Variants in DAB1 observed in about 807,000 individuals in gnomAD.
The protein encoded by DAB1 is DAB adaptor protein 1, also known as disabled homolog 1.
Under a neutral mutation model 64.6 loss-of-function variants are expected in DAB1, and 15 were observed. The ratio of observed to expected loss-of-function variants is 0.23; its 90% CI spans 0.16 to 0.36. DAB1 has a LOEUF of 0.36. DAB1 is among the 10% of genes least tolerant of loss of function. The pLI is 1.00. For synonymous variants in DAB1, 235 were observed against 251.9 expected (o/e 0.93, Z 0.64); for missense variants, 596 against 706.7 (o/e 0.84, Z 1.78).
intron 6 of DAB1, among the ~76,000 whole-genome samples, chr1:57,661,216 T>C (rs1246520576): frequency 1.3e-5 from 2 of 152,130 alleles, no homozygotes; most frequent in Non-Finnish European, 2.9e-5. Flanking sequence ...AAAGGCTCAG[T>C]TAAGGCAGGG....
chr1:57,495,178 T>C (rs1185687709), intron 7 of DAB1, among the ~76,000 whole-genome samples: 2 of 152,128 alleles, frequency 1.3e-5, no homozygotes, highest in East Asian at 1.9e-4. Flanking sequence ...AATATGAGAT[T>C]TGCCTAGATT....
chr1:58,234,816 G>C (rs950571375), intron 4 of DAB1, among the ~76,000 whole-genome samples: 3 of 152,184 alleles, frequency 2.0e-5, no homozygotes, highest in Admixed American at 6.5e-5. Flanking sequence ...TTGAGCCGGA[G>C]GAAGTGACAC....
At chr1:58,406,719 CCA>C (rs1491153228) in intron 3 of DAB1, among the ~76,000 whole-genome samples, 3,159 of 28,120 alleles carry the variant, frequency 0.11, 118 homozygotes, top group African/African-American at 0.35. Context: ...TCCCCCCCCC[CCA>C]ACTGCCACCA....
intron 4 of DAB1, among the ~76,000 whole-genome samples, chr1:58,161,184 T>G (rs554176582): frequency 6.6e-6 from 1 of 152,326 alleles, no homozygotes; most frequent in Non-Finnish European, 1.5e-5. Context: ...TTTAATAACA[T>G]TTACTGAATG....
chr1:57,204,451 TAAAA>T (rs10548857), intron 2 of DAB1, among the ~76,000 whole-genome samples: 6 of 127,580 alleles, frequency 4.7e-5, no homozygotes, highest in African/African-American at 5.9e-5. Flanking sequence ...GGTCTAGATT[TAAAA>T]AAAAAAAAAA....
chr1:58,090,568 T>C lies in DAB1; in HGVS notation n.387+59943A>G, dbSNP rs533200485. Among the ~76,000 whole-genome samples, 4 of 152,332 alleles carry C rather than the reference T, an allele frequency of 2.6e-5. No homozygotes were observed. In the East Asian group the frequency reaches 7.7e-4, roughly 29 times the overall value. ...AACTTTTCCCTATCTCCCTTTCTCTTGCCCTTAATCACAACTCTGTGACTT... is the reference window on the plus strand; with the variant it reads ...AACTTTTCCCTATCTCCCTTTCTCTCGCCCTTAATCACAACTCTGTGACTT... On this transcript the variant is annotated intron_variant and non_coding_transcript_variant, in intron 5 of 20. Transcript: ENST00000485760.
At chr1:57,496,103 T>C (rs533453450) in intron 7 of DAB1, among the ~76,000 whole-genome samples, 18 of 152,346 alleles carry the variant, frequency 1.2e-4, no homozygotes, top group Non-Finnish European at 2.4e-4. Context: ...AATGTCATTA[T>C]GATGTAGATG....
chr1:57,588,020 A>G (rs1158664291), intron 7 of DAB1, among the ~76,000 whole-genome samples: 1 of 152,164 alleles, frequency 6.6e-6, no homozygotes. Flanking sequence ...CCTCTCTCAA[A>G]TTCTAAAGTC....
chr1:57,474,743 CCTT>C (rs1321554773), intron 7 of DAB1, among the ~76,000 whole-genome samples: 1 of 152,104 alleles, frequency 6.6e-6, no homozygotes, highest in Non-Finnish European at 1.5e-5. Flanking sequence ...TATCCTGAAA[CCTT>C]AGTGTTTGAG....
chr1:57,657,464 C>T (rs565514274), intron 6 of DAB1, among the ~76,000 whole-genome samples: 4 of 152,344 alleles, frequency 2.6e-5, no homozygotes, highest in East Asian at 3.9e-4. Context: ...CAGGGTGTCA[C>T]TGACCCTCCT....
chr1:57,273,459 A>G (rs1435310211), intron 2 of DAB1, among the ~76,000 whole-genome samples: 2 of 152,046 alleles, frequency 1.3e-5, no homozygotes, highest in Non-Finnish European at 2.9e-5. Flanking sequence ...AAGTACTCCA[A>G]TAAGACCTGG....
chr1:58,096,052 C>T (rs2100621329), intron 5 of DAB1, among the ~76,000 whole-genome samples: 1 of 152,296 alleles, frequency 6.6e-6, no homozygotes, highest in Middle Eastern at 3.4e-3. Flanking sequence ...GACCCTAACC[C>T]TTCTCTCGTT....
At chr1:58,479,355 G>A (rs946164713) in intron 3 of DAB1, among the ~76,000 whole-genome samples, 17 of 152,108 alleles carry the variant, frequency 1.1e-4, no homozygotes, top group Non-Finnish European at 1.6e-4. Context: ...ATGTTGTCTC[G>A]TGTGCAGATC....
intron 3 of DAB1, among the ~76,000 whole-genome samples, chr1:58,476,226 A>T (rs190089634): frequency 6.6e-6 from 1 of 150,766 alleles, no homozygotes; most frequent in African/African-American, 2.4e-5. Flanking sequence ...AATTAAAATA[A>T]TTTTTTTTTT....
In DAB1 at chr1:57,258,857, G is replaced by A. The variant is rs114041023; in HGVS notation, c.67+32107C>T. Among the ~76,000 whole-genome samples, 1,149 of 152,184 alleles carry A rather than the reference G, an allele frequency of 7.6e-3. 30 individuals are homozygous for A. The East Asian group carries it at 0.079, about 10-fold the overall frequency. On this transcript the variant is annotated intron_variant, in intron 2 of 14. Coordinates refer to ENST00000371236, the MANE Select transcript of DAB1 (RefSeq NM_001365792.1). ...GTCAGGGAGAGAATGGGAGGCACAGGCTTGGTGAGGAGGGTGAGTTCTGCA... is the reference window on the plus strand; with the variant it reads ...GTCAGGGAGAGAATGGGAGGCACAGACTTGGTGAGGAGGGTGAGTTCTGCA...
At chr1:57,062,750 C>T in intron 9 of DAB1, 134 bp downstream of exon 9, 1 of 718,536 alleles carries the variant, frequency 1.4e-6, no homozygotes, top group South Asian at 1.8e-5. Flanking sequence ...GATGCCCCAG[C>T]ATGCAGTCCC....
intron 6 of DAB1, among the ~76,000 whole-genome samples, chr1:57,666,566 C>T (rs1646449913): frequency 6.6e-6 from 1 of 152,148 alleles, no homozygotes; most frequent in Non-Finnish European, 1.5e-5. Flanking sequence ...CAGAAAATTG[C>T]AACTGCATTC....
chr1:57,748,152 G>A (rs1238289716), intron 6 of DAB1, among the ~76,000 whole-genome samples: 1 of 152,200 alleles, frequency 6.6e-6, no homozygotes, highest in Admixed American at 6.5e-5. Flanking sequence ...GCTTACCAAA[G>A]CTCACTCTGC....
chr1:58,415,528 C>T (rs1644711287), intron 3 of DAB1: 1 of 224,382 alleles, frequency 4.5e-6, no homozygotes, highest in African/African-American at 2.3e-5. Context: ...ACAGAAATCA[C>T]ACCTCACTTC....
Sources: gnomAD v4.1 joint callset for allele counts (sites outside exome capture counted in the v4.1 genomes callset) on GRCh38, gnomAD v4.1.1 for gene constraint, MANE v1.5 for transcripts, NCBI Gene and HGNC (gene_info 2026-07-23, HGNC 2026-07-21) for gene names.